Variants in ADAMTS19 observed in about 807,000 individuals in gnomAD.
ADAMTS19 encodes A disintegrin and metalloproteinase with thrombospondin motifs 19.
A neutral mutation model predicts 153.3 loss-of-function variants in ADAMTS19; 93 were observed. The observed-to-expected ratio is 0.61, with a 90% CI of 0.51 to 0.72. The LOEUF is 0.72. Ranked by LOEUF, ADAMTS19 falls within the 30% of genes least tolerant of loss-of-function variation. The pLI is 0.00. For missense variants in ADAMTS19, 1,482 were observed against 1,552.1 expected, an observed-to-expected ratio of 0.95 and a Z score of 0.76; for synonymous variants, 600 against 556.6, an observed-to-expected ratio of 1.08 and a Z score of -1.10.
At chr5:129,572,073 A>T (rs1266644703) in intron 7 of ADAMTS19, among the ~76,000 whole-genome samples, 1 of 151,926 alleles carries the variant, frequency 6.6e-6, no homozygotes, top group African/African-American at 2.4e-5. Context: ...ATGACCTTGG[A>T]TTAGGCAAAG....
At chr5:129,567,353 A>C (rs998979317) in intron 7 of ADAMTS19, among the ~76,000 whole-genome samples, 2 of 152,154 alleles carry the variant, frequency 1.3e-5, no homozygotes, top group Non-Finnish European at 2.9e-5. Context: ...CTCAATTTGC[A>C]TGGGAAAAGA....
intron 8 of ADAMTS19, among the ~76,000 whole-genome samples, chr5:129,602,611 T>C (rs545154057): frequency 2.6e-5 from 4 of 152,326 alleles, no homozygotes; most frequent in South Asian, 2.1e-4. Flanking sequence ...GTTTATGCAA[T>C]ATTAATGTCA....
chr5:129,694,843 C>T lies in ADAMTS19; in HGVS notation c.2942C>T (p.Pro981Leu). 1.3e-6 allele frequency: 2 copies of T among 1,586,358 alleles called. No individual in the cohort carries two copies. The highest frequency in any genetic ancestry group is 1.7e-4 in the Middle Eastern group (1 of 5,980). ...EPQIRKCNEQ[P>L]CQTRWMMTEW... is the part of the protein sequence containing the mutation. ...CAGATTCGAAAGTGCAATGAGCAAC[C>T]ATGTCAAACAAGGTAACTCTATTCC... The change falls in exon 19 of 23, where the codon CCA (proline) becomes CTA (leucine). Residue 981 changes from proline to leucine, a missense_variant. Physicochemically the swap from Pro to Leu is moderately conservative, Grantham distance 98. Around this residue, in one of 2 missense-constraint regions of ADAMTS19, gnomAD observed 616 missense variants for 724.4 expected, o/e 0.85. Coordinates refer to ENST00000274487, the MANE Select transcript of ADAMTS19 (RefSeq NM_133638.6).
chr5:129,733,944 CGTGTGTGT>C (rs34177749), intron 21 of ADAMTS19, among the ~76,000 whole-genome samples: 18,979 of 147,530 alleles, frequency 0.13, 1,307 homozygotes, highest in East Asian at 0.24. Flanking sequence ...CAAGTGTGTG[CGTGTGTGT>C]GTGTGTGTGT....
At chr5:129,621,670 T>C (rs755021466) in intron 9 of ADAMTS19, among the ~76,000 whole-genome samples, 2 of 152,210 alleles carry the variant, frequency 1.3e-5, no homozygotes, top group Non-Finnish European at 2.9e-5. Context: ...CATGATTTTG[T>C]ATGGCTGCCT....
chr5:129,691,451 C>A (rs770577586), intron 18 of ADAMTS19, among the ~76,000 whole-genome samples: 2 of 152,060 alleles, frequency 1.3e-5, no homozygotes, highest in Non-Finnish European at 2.9e-5. Context: ...GTATTGGATG[C>A]ATTGTAGATA....
At chr5:129,609,147 T>C (rs1315518864) in intron 8 of ADAMTS19, among the ~76,000 whole-genome samples, 1 of 152,184 alleles carries the variant, frequency 6.6e-6, no homozygotes, top group East Asian at 1.9e-4. Context: ...CTGACACAAA[T>C]GCCTTGGTAA....
chr5:129,511,923 C>G (rs1173642605), intron 3 of ADAMTS19, among the ~76,000 whole-genome samples: 3 of 151,878 alleles, frequency 2.0e-5, no homozygotes, highest in Non-Finnish European at 4.4e-5. Context: ...CATGCTGTTA[C>G]ATGTTAATGG....
intron 21 of ADAMTS19, among the ~76,000 whole-genome samples, chr5:129,713,412 G>A (rs1449158193): frequency 1.3e-5 from 2 of 152,120 alleles, no homozygotes; most frequent in African/African-American, 2.4e-5. Flanking sequence ...CACAAGAAAA[G>A]TATACAAATG....
chr5:129,630,368 A>G (rs1752233283), intron 10 of ADAMTS19, among the ~76,000 whole-genome samples: 2 of 152,092 alleles, frequency 1.3e-5, no homozygotes, highest in Non-Finnish European at 2.9e-5. Context: ...TAAGACTTAC[A>G]AAGCTGCAGT....
chr5:129,663,145 C>T (rs1257662036), intron 15 of ADAMTS19, among the ~76,000 whole-genome samples: 9 of 152,038 alleles, frequency 5.9e-5, no homozygotes, highest in African/African-American at 9.7e-5. Context: ...CTGCCTGCCT[C>T]GGCCTCCAAA....
At chr5:129,734,163 A>T (rs949934715) in intron 21 of ADAMTS19, among the ~76,000 whole-genome samples, 4 of 151,822 alleles carry the variant, frequency 2.6e-5, no homozygotes, top group African/African-American at 9.7e-5. Flanking sequence ...GAAAGAGAGA[A>T]AATAGACATT....
At chr5:129,551,188 T>G (rs1329728675) in intron 6 of ADAMTS19, among the ~76,000 whole-genome samples, 5 of 151,668 alleles carry the variant, frequency 3.3e-5, no homozygotes, top group African/African-American at 1.2e-4. Context: ...AAGTTTTGCT[T>G]TCATATATTC....
intron 14 of ADAMTS19, among the ~76,000 whole-genome samples, chr5:129,656,323 T>C (rs1490506803): frequency 6.6e-6 from 1 of 152,190 alleles, no homozygotes; most frequent in Non-Finnish European, 1.5e-5. Flanking sequence ...TTCAGTAAAA[T>C]TGAAAACATG....
chr5:129,717,798 T>C (rs1373647801), intron 21 of ADAMTS19, among the ~76,000 whole-genome samples: 6 of 152,226 alleles, frequency 3.9e-5, no homozygotes, highest in African/African-American at 1.4e-4. Flanking sequence ...AAATGCTATC[T>C]GTGCTATTTT....
chr5:129,648,965 A>T lies in ADAMTS19; in HGVS notation c.2171A>T (p.Asp724Val). The change falls in exon 13 of 23, where the codon GAT becomes GTT. Residue 724 changes from aspartate (D) to valine (V), a missense_variant. Physicochemically the swap from Asp to Val is radical, Grantham distance 152. This residue lies in a region of ADAMTS19 where 616 missense variants were observed against 724.4 expected (regional missense o/e 0.85). Coordinates refer to ENST00000274487, the MANE Select transcript of ADAMTS19 (RefSeq NM_133638.6). ...ATACTTCAGTGGCAAGCTGTCCTGGATGAAGGTATGACCAACCAGATCACC... is the reference window on the plus strand; with the variant it reads ...ATACTTCAGTGGCAAGCTGTCCTGGTTGAAGGTATGACCAACCAGATCACC... Reference protein sequence around the residue: ...KHILQWQAVLDEEKPCALFCS... With the variant: ...KHILQWQAVLVEEKPCALFCS... 1 of 1,599,970 alleles carries T rather than the reference A, an allele frequency of 6.3e-7. No homozygotes were observed. Among genetic ancestry groups the T allele is most frequent in the Non-Finnish European group, 8.6e-7 (1 of 1,169,548 alleles).
intron 22 of ADAMTS19, 100 bp from the exon 23 acceptor site, chr5:129,736,967 G>A (rs1455133965): frequency 3.4e-6 from 4 of 1,174,452 alleles, no homozygotes; most frequent in Non-Finnish European, 4.6e-6. Context: ...ATGAACCAAA[G>A]AGAGTGTACA....
At chr5:129,559,872 A>G (rs1417665302) in intron 7 of ADAMTS19, among the ~76,000 whole-genome samples, 2 of 152,100 alleles carry the variant, frequency 1.3e-5, no homozygotes, top group Admixed American at 1.3e-4. Context: ...TCAGTGCTCA[A>G]TTAGATTTAT....
chr5:129,710,856 C>A (rs367741952), intron 21 of ADAMTS19, among the ~76,000 whole-genome samples: 1 of 152,192 alleles, frequency 6.6e-6, no homozygotes, highest in African/African-American at 2.4e-5. Context: ...TTTGATCATG[C>A]ACCCCTGATG....
Sources: allele counts gnomAD v4.1 joint callset (sites outside exome capture counted in the v4.1 genomes callset), GRCh38; gene constraint gnomAD v4.1.1; regional missense constraint gnomAD v4.1.1; transcripts MANE v1.5; gene names NCBI Gene and HGNC (gene_info 2026-07-23, HGNC 2026-07-21).